EPHA10: variants seen among roughly 807,000 people sequenced by gnomAD.
The protein encoded by EPHA10 is ephrin type-A receptor 10.
Under a neutral mutation model 109.7 loss-of-function variants are expected in EPHA10, and 120 were observed. The observed-to-expected ratio is 1.09, with a 90% CI of 0.94 to 1.27. The LOEUF is 1.27. EPHA10 is among the 50% of genes most tolerant of loss of function. The probability of loss-of-function intolerance (pLI) is 0.00; values close to 1 mark genes in which losing one functional copy is unlikely to be tolerated. For missense variants in EPHA10, 1,396 were observed against 1,411.1 expected (o/e 0.99, Z 0.17); for synonymous variants, 640 against 618.9 (o/e 1.03, Z -0.51).
intron 11 of EPHA10, among the ~76,000 whole-genome samples, chr1:37,721,285 G>A (rs1427664570): frequency 4.0e-5 from 6 of 148,706 alleles, no homozygotes; most frequent in Admixed American, 2.7e-4. Flanking sequence ...AAAATTAGCC[G>A]GGCCTGGTGG....
chr1:37,721,187 A>T (rs1168976903), intron 11 of EPHA10, among the ~76,000 whole-genome samples: 1 of 150,900 alleles, frequency 6.6e-6, no homozygotes, highest in Non-Finnish European at 1.5e-5. Flanking sequence ...TGGGAGGCCG[A>T]GGCAGGTGGA....
rs189470802 is a variant in EPHA10, at chr1:37,729,418, G to A, written c.1663+1993C>T. On this transcript the variant is annotated intron_variant, in intron 7 of 16. Coordinates refer to ENST00000373048, the MANE Select transcript of EPHA10 (RefSeq NM_001099439.2). ...ACTAGCACAGTGGTGACGCATAAGC[G>A]TTCACCAAGACCTTGATTTGGGGCT... Among the ~76,000 whole-genome samples, 142 of 152,284 alleles carry A rather than the reference G, an allele frequency of 9.3e-4. 1 individual carries two copies. In the South Asian group the frequency reaches 0.016, roughly 17 times the overall value.
intron 6 of EPHA10, among the ~76,000 whole-genome samples, chr1:37,733,153 G>A (rs539631898): frequency 2.0e-4 from 31 of 151,448 alleles, no homozygotes; most frequent in South Asian, 4.2e-4. Context: ...TTGGCCTCTC[G>A]AAGTGCTGGG....
At chr1:37,729,852 G>C (rs1645952551) in intron 7 of EPHA10, among the ~76,000 whole-genome samples, 1 of 150,726 alleles carries the variant, frequency 6.6e-6, no homozygotes, top group South Asian at 2.1e-4. Context: ...CAGCCTGGGT[G>C]ACACAGTAAG....
chr1:37,763,449 T>C (rs1646450381), intron 1 of EPHA10, among the ~76,000 whole-genome samples: 1 of 152,196 alleles, frequency 6.6e-6, no homozygotes, highest in Admixed American at 6.5e-5. Context: ...TCTCAAAAGA[T>C]CACTAATCAC....
chr1:37,726,966 C>A, intron 8 of EPHA10, 136 bp downstream of exon 8: 1 of 575,312 alleles, frequency 1.7e-6, no homozygotes, highest in Non-Finnish European at 2.9e-6. Context: ...TGATGCATGC[C>A]TACATTTGTA....
At chr1:37,747,127 C>T (rs977660217) in intron 5 of EPHA10, among the ~76,000 whole-genome samples, 4 of 152,030 alleles carry the variant, frequency 2.6e-5, no homozygotes, top group African/African-American at 7.3e-5. Context: ...CTAAAAAAAC[C>T]TTATAATACT....
chr1:37,720,936 G>A (rs780400496), intron 11 of EPHA10, 92 bp from the exon 12 acceptor site: 46 of 1,290,950 alleles, frequency 3.6e-5, no homozygotes, highest in Admixed American at 9.1e-5. Flanking sequence ...ACTGGGCCTC[G>A]AGAGCCAGAA....
At position 37,719,458 on chromosome 1, in the gene EPHA10, C is replaced by T. The variant is rs1262419864; in HGVS notation, c.2712G>A (p.Val904=). ...CACACTTGGGGGGCTCTGGGTCCTG[C>T]ACCATCTTGCTCAGGATGCTGTGGA... The part of the protein sequence containing the change: ...SQIHSILSKM[V]QDPEPPKCAL... Residue 904 remains valine (V), a synonymous_variant, in exon 15 of 17, where the codon GTG becomes GTA. Coordinates refer to ENST00000373048, the MANE Select transcript of EPHA10 (RefSeq NM_001099439.2). The T allele has an allele frequency of 6.2e-7, 1 of 1,613,892 alleles. No homozygotes were observed. Among genetic ancestry groups the T allele is most frequent in the African/African-American group, 1.3e-5 (1 of 75,036 alleles).
chr1:37,750,349 AGCAAAT>A (rs1447097366), intron 5 of EPHA10, among the ~76,000 whole-genome samples: 1 of 152,224 alleles, frequency 6.6e-6, no homozygotes, highest in Non-Finnish European at 1.5e-5. Flanking sequence ...TAAATGCAAT[AGCAAAT>A]GTTAAATCAC....
At chr1:37,735,109 G>A in intron 6 of EPHA10, 148 bp downstream of exon 6, 1 of 894,248 alleles carries the variant, frequency 1.1e-6, no homozygotes, top group Non-Finnish European at 1.7e-6. Context: ...AGGAGGGGGA[G>A]ACTCGAGCCT....
chr1:37,717,442 T>G lies in EPHA10; in HGVS notation c.*930A>C, dbSNP rs1645710817. Reference sequence around the variant, plus strand: ...TCAGCTCTGCTCCTGACTCCTCACTTGGCCTCAGTTTCCCCCATCTGTACA... The same window carrying G: ...TCAGCTCTGCTCCTGACTCCTCACTGGGCCTCAGTTTCCCCCATCTGTACA... On this transcript the variant is annotated 3_prime_UTR_variant, in exon 17 of 17. Transcript: ENST00000373048. 1.3e-5 allele frequency: 3 copies of G among 231,914 alleles called. No homozygotes were observed. The highest frequency in any genetic ancestry group is 2.2e-5 in the African/African-American group (1 of 45,236). 14.4% of individuals were successfully genotyped at this position (231,914 alleles called of 1,614,324 possible).
intron 7 of EPHA10, among the ~76,000 whole-genome samples, chr1:37,728,167 A>T (rs1033472484): frequency 5.9e-5 from 9 of 152,204 alleles, no homozygotes; most frequent in Admixed American, 3.3e-4. Flanking sequence ...TGGGTCTGAA[A>T]ATGGCAAGTC....
intron 6 of EPHA10, among the ~76,000 whole-genome samples, chr1:37,733,885 G>C (rs1482915532): frequency 2.0e-5 from 3 of 152,086 alleles, no homozygotes; most frequent in Admixed American, 1.3e-4. Context: ...GGGTGTCCCA[G>C]AGGCCCCCTG....
At chr1:37,747,810 T>C (rs574263706) in intron 5 of EPHA10, among the ~76,000 whole-genome samples, 1 of 151,766 alleles carries the variant, frequency 6.6e-6, no homozygotes, top group East Asian at 1.9e-4. Flanking sequence ...GTGACGAAAG[T>C]AAAGAACAAT....
Position 37,718,439 on chromosome 1 carries a change from AG to A in EPHA10, c.2959del (p.Leu987SerfsTer101). 6.2e-7 allele frequency: 1 copy of A among 1,613,428 alleles called. No homozygotes were observed. The highest frequency in any genetic ancestry group is 2.2e-5 in the East Asian group (1 of 44,884). ...CTGCAGGGCGCTGATCCCGCTGAGG[AG>A]GGCCTCTCGATGTTCAGCCAAAGAG... The part of the protein sequence containing the change: ...GISLAEHREA[L>X]LSGISALQAR... On this transcript the variant is annotated frameshift_variant, in exon 17 of 17. Transcript: ENST00000373048. LOFTEE classifies it high-confidence loss of function.
chr1:37,733,607 C>T (rs554064054), intron 6 of EPHA10, among the ~76,000 whole-genome samples: 18 of 152,274 alleles, frequency 1.2e-4, no homozygotes, highest in Admixed American at 1.0e-3. Flanking sequence ...TACCCTGATC[C>T]TCAAAGTCCA....
At chr1:37,744,284 C>G (rs1349483602) in intron 5 of EPHA10, among the ~76,000 whole-genome samples, 1 of 150,788 alleles carries the variant, frequency 6.6e-6, no homozygotes, top group African/African-American at 2.4e-5. Flanking sequence ...GAGGCTGAGG[C>G]GGGTGGATCA....
At chr1:37,719,827 G>A in intron 14 of EPHA10, 82 bp downstream of exon 14, 2 of 1,604,726 alleles carry the variant, frequency 1.2e-6, no homozygotes, top group Non-Finnish European at 1.7e-6. Flanking sequence ...GGAAGATTGA[G>A]GGCCAACGGG....
Sources: allele counts gnomAD v4.1 joint callset (sites outside exome capture counted in the v4.1 genomes callset), GRCh38; gene constraint gnomAD v4.1.1; transcripts MANE v1.5; gene names NCBI Gene and HGNC (gene_info 2026-07-23, HGNC 2026-07-21).